Variants in SEZ6L observed in about 807,000 individuals in gnomAD.
SEZ6L encodes seizure 6-like protein.
Under a neutral mutation model 106.2 loss-of-function variants are expected in SEZ6L, and 37 were observed. The ratio of observed to expected loss-of-function variants is 0.35; its 90% CI spans 0.27 to 0.46. The LOEUF (loss-of-function observed/expected upper bound fraction) is 0.46. SEZ6L is among the 20% of genes least tolerant of loss of function. The probability of loss-of-function intolerance (pLI) is 1.00; values close to 1 mark genes in which losing one functional copy is unlikely to be tolerated. For synonymous variants in SEZ6L, 541 were observed against 570.4 expected (o/e 0.95, Z 0.73); for missense variants, 1,172 against 1,332.8 (o/e 0.88, Z 1.88).
At chr22:26,313,620 G>T (rs1383431472) in intron 8 of SEZ6L, 144 bp from the exon 9 acceptor site, 2 of 778,890 alleles carry the variant, frequency 2.6e-6, no homozygotes, top group African/African-American at 3.6e-5. Context: ...ACACACACGT[G>T]CTGGCTGCCC....
chr22:26,335,100 GC>G (rs1443991495), intron 9 of SEZ6L, among the ~76,000 whole-genome samples: 1 of 152,222 alleles, frequency 6.6e-6, no homozygotes, highest in East Asian at 1.9e-4. Context: ...TTCCAGGGAT[GC>G]TAGATGCACT....
chr22:26,360,541 GAGGA>G (rs1219269046), intron 12 of SEZ6L, among the ~76,000 whole-genome samples: 3 of 152,152 alleles, frequency 2.0e-5, no homozygotes, highest in Non-Finnish European at 2.9e-5. Flanking sequence ...GAAAATTTCC[GAGGA>G]AAGGTTCATG....
intron 1 of SEZ6L, among the ~76,000 whole-genome samples, chr22:26,192,687 G>A (rs1601991556): frequency 6.6e-6 from 1 of 152,104 alleles, no homozygotes; most frequent in African/African-American, 2.4e-5. Context: ...GCATTTTCAT[G>A]GGCTCTTAAA....
intron 1 of SEZ6L, among the ~76,000 whole-genome samples, chr22:26,230,049 C>T (rs766746760): frequency 3.3e-5 from 5 of 152,336 alleles, no homozygotes; most frequent in Non-Finnish European, 7.4e-5. Context: ...GCACAGTGCC[C>T]GCAGCTGTGA....
chr22:26,273,792 G>T (rs1301943737), intron 1 of SEZ6L, among the ~76,000 whole-genome samples: 2 of 152,204 alleles, frequency 1.3e-5, no homozygotes, highest in African/African-American at 2.4e-5. Flanking sequence ...GGGTGAGATG[G>T]TGCAGGATGG....
chr22:26,223,278 G>A (rs2078533715), intron 1 of SEZ6L, among the ~76,000 whole-genome samples: 1 of 152,112 alleles, frequency 6.6e-6, no homozygotes, highest in Non-Finnish European at 1.5e-5. Flanking sequence ...CAGCTACCAA[G>A]AAATAAAATT....
chr22:26,226,994 A>G (rs1461720859), intron 1 of SEZ6L, among the ~76,000 whole-genome samples: 1 of 152,204 alleles, frequency 6.6e-6, no homozygotes, highest in Non-Finnish European at 1.5e-5. Context: ...TCCACGTACC[A>G]CAGAACTCTT....
chr22:26,170,999 T>G (rs1042750098), intron 1 of SEZ6L, among the ~76,000 whole-genome samples: 9 of 152,184 alleles, frequency 5.9e-5, no homozygotes, highest in African/African-American at 2.2e-4. Flanking sequence ...TGGACAGCTC[T>G]CAGCTCCATG....
chr22:26,268,559 C>T (rs140072928), intron 1 of SEZ6L, among the ~76,000 whole-genome samples: 163 of 152,240 alleles, frequency 1.1e-3, no homozygotes, highest in African/African-American at 3.2e-3. Context: ...AAGAATTCCC[C>T]GGAGGCATCC....
In SEZ6L at chr22:26,361,002, GTA is replaced by G. The variant is rs745864162; in HGVS notation, c.2600-4368_2600-4367del. On this transcript the variant is annotated intron_variant, in intron 12 of 16. Transcript: ENST00000248933. ...GGGCTGCACTTCCCGAGGAGTAGGAGTATTAGATACACTACGGGGATACCCAC... is the reference window on the plus strand; with the variant it reads ...GGGCTGCACTTCCCGAGGAGTAGGAGTTAGATACACTACGGGGATACCCAC... 5.9e-5 allele frequency among the ~76,000 whole-genome samples: 9 copies of G among 152,316 alleles called. No individual in the cohort carries two copies. In the South Asian group the frequency reaches 1.9e-3, roughly 32 times the overall value.
intron 13 of SEZ6L, among the ~76,000 whole-genome samples, chr22:26,372,443 G>A (rs2084069714): frequency 6.6e-6 from 1 of 152,182 alleles, no homozygotes; most frequent in Non-Finnish European, 1.5e-5. Context: ...GCAGAGAAGT[G>A]TGCACTTAGT....
chr22:26,264,938 A>G (rs2080128017), intron 1 of SEZ6L, among the ~76,000 whole-genome samples: 1 of 152,204 alleles, frequency 6.6e-6, no homozygotes, highest in Non-Finnish European at 1.5e-5. Context: ...ATCTTCTTCC[A>G]AGAAAAGCAA....
At chr22:26,311,582 G>A (rs917833924) in intron 7 of SEZ6L, among the ~76,000 whole-genome samples, 186 bp from the exon 8 acceptor site, 1 of 152,140 alleles carries the variant, frequency 6.6e-6, no homozygotes, top group Non-Finnish European at 1.5e-5. Flanking sequence ...TTTTAAATGA[G>A]GTCCCAAGGA....
chr22:26,227,583 A>T (rs1228957165), intron 1 of SEZ6L, among the ~76,000 whole-genome samples: 5 of 140,004 alleles, frequency 3.6e-5, no homozygotes, highest in Non-Finnish European at 7.7e-5. Context: ...CTAATTTTTA[A>T]TTTTTTTTTT....
chr22:26,369,581 T>C (rs1284524050), intron 13 of SEZ6L, among the ~76,000 whole-genome samples: 1 of 151,534 alleles, frequency 6.6e-6, no homozygotes, highest in Non-Finnish European at 1.5e-5. Context: ...ACCTCGTGAT[T>C]CGCCCACCTC....
intron 9 of SEZ6L, among the ~76,000 whole-genome samples, chr22:26,321,853 T>A (rs1384584807): frequency 6.6e-6 from 1 of 152,100 alleles, no homozygotes; most frequent in East Asian, 1.9e-4. Context: ...TGCTGAGTCA[T>A]GAATGAGGAC....
intron 16 of SEZ6L, among the ~76,000 whole-genome samples, chr22:26,379,125 T>C (rs2084328741): frequency 6.6e-6 from 1 of 152,168 alleles, no homozygotes; most frequent in Admixed American, 6.5e-5. Context: ...TTCAGTTCCT[T>C]GCAGGTTGTT....
chr22:26,333,558 T>C (rs1031080924), intron 9 of SEZ6L, among the ~76,000 whole-genome samples: 2 of 152,150 alleles, frequency 1.3e-5, no homozygotes, highest in Non-Finnish European at 2.9e-5. Context: ...GTCTACTCTG[T>C]GCAAGATCTG....
chr22:26,274,637 C>G (rs2080482101), intron 1 of SEZ6L, among the ~76,000 whole-genome samples: 1 of 152,154 alleles, frequency 6.6e-6, no homozygotes. Flanking sequence ...CCAGCCATAA[C>G]CATAAGGTTT....
Sources: allele counts gnomAD v4.1 joint callset (sites outside exome capture counted in the v4.1 genomes callset), GRCh38; gene constraint gnomAD v4.1.1; transcripts MANE v1.5; gene names NCBI Gene and HGNC (gene_info 2026-07-23, HGNC 2026-07-21).